TRIM29: variants seen among roughly 807,000 people sequenced by gnomAD.
The protein encoded by TRIM29 is tripartite motif-containing protein 29.
Under a neutral mutation model 57.3 loss-of-function variants are expected in TRIM29, and 52 were observed. The observed-to-expected ratio is 0.91, with a 90% CI of 0.73 to 1.14. The LOEUF (loss-of-function observed/expected upper bound fraction) is 1.14, where lower values mean the gene tolerates loss of function less well. Ranked by LOEUF, TRIM29 falls within the 50% of genes most tolerant of loss-of-function variation. The pLI is 0.00. For missense variants in TRIM29, 753 were observed against 774.6 expected (o/e 0.97, Z 0.33); for synonymous variants, 319 against 316.9 (o/e 1.01, Z -0.07).
intron 1 of TRIM29, among the ~76,000 whole-genome samples, chr11:120,135,509 T>A: frequency 6.6e-6 from 1 of 152,198 alleles, no homozygotes; most frequent in Non-Finnish European, 1.5e-5. Flanking sequence ...ATTTCTCAGC[T>A]GCTGTGATGA....
intron 1 of TRIM29, among the ~76,000 whole-genome samples, chr11:120,136,052 T>A (rs921968874): frequency 6.6e-6 from 1 of 152,126 alleles, no homozygotes; most frequent in African/African-American, 2.4e-5. Context: ...CTCCTCCCCA[T>A]AGAAGTACAG....
chr11:120,114,507 T>C (rs1004020620), intron 8 of TRIM29, among the ~76,000 whole-genome samples: 1 of 152,252 alleles, frequency 6.6e-6, no homozygotes, highest in Non-Finnish European at 1.5e-5. Flanking sequence ...GCTCCGGCCC[T>C]GGTTCCAGCA....
At chr11:120,114,053 G>A (rs1455740071) in intron 8 of TRIM29, among the ~76,000 whole-genome samples, 1 of 151,994 alleles carries the variant, frequency 6.6e-6, no homozygotes, top group Non-Finnish European at 1.5e-5. Context: ...AAGTCACACA[G>A]CAAGTCAATG....
At chr11:120,122,817 C>T (rs1301241220) in intron 5 of TRIM29, 137 bp downstream of exon 5, 7 of 677,790 alleles carry the variant, frequency 1.0e-5, no homozygotes, top group Admixed American at 9.9e-5. Flanking sequence ...CACGTAGATG[C>T]CAGGACTTTC....
At chr11:120,120,402 G>A (rs540369916) in intron 6 of TRIM29, among the ~76,000 whole-genome samples, 171 bp downstream of exon 6, 20 of 143,832 alleles carry the variant, frequency 1.4e-4, no homozygotes, top group African/African-American at 4.7e-4. Context: ...CTTTAAGCTC[G>A]GTAGGTAGGA....
chr11:120,127,830 CA>C (rs1460782152), intron 2 of TRIM29, among the ~76,000 whole-genome samples: 1 of 152,122 alleles, frequency 6.6e-6, no homozygotes, highest in Non-Finnish European at 1.5e-5. Context: ...TGATATGAGC[CA>C]TCATTCCCTG....
At chr11:120,135,709 C>T (rs1304689602) in intron 1 of TRIM29, among the ~76,000 whole-genome samples, 5 of 152,164 alleles carry the variant, frequency 3.3e-5, no homozygotes, top group Non-Finnish European at 2.9e-5. Context: ...GTCTGTTCCC[C>T]TCTCTACCTC....
Position 120,137,218 on chromosome 11 carries a change from C to A in TRIM29, c.804+10G>T. 1 of 1,613,404 alleles carries A rather than the reference C, an allele frequency of 6.2e-7. No individual in the cohort carries two copies. The highest frequency in any genetic ancestry group is 8.5e-7 in the Non-Finnish European group (1 of 1,179,612). On this transcript the variant is annotated intron_variant, in intron 1 of 8. Coordinates refer to ENST00000341846, the MANE Select transcript of TRIM29 (RefSeq NM_012101.4). This position sits in a 1 kb window ranked among gnomAD's most constrained non-coding sequence, Gnocchi z 6.2. ...AGGCCTGGAGGGGCAGGAGGGGCCC[C>A]AGCACTTACCTCCTTCTCGGCCTTG...
intron 8 of TRIM29, among the ~76,000 whole-genome samples, 192 bp downstream of exon 8, chr11:120,115,146 T>C (rs1863234805): frequency 6.6e-6 from 1 of 152,238 alleles, no homozygotes; most frequent in Admixed American, 6.5e-5. Context: ...GCTAGTCCCC[T>C]GCCCATTAGC....
Position 120,123,013 on chromosome 11 carries a change from CCG to C in TRIM29, c.1374_1375del (p.Phe458LeufsTer3). ...GGTGTCCGGTGCACTCCACTCACCC[CCG>C]AAGCTGTTCGTGTAGTTGTTCACAT... On this transcript the variant is annotated frameshift_variant, in exon 5 of 9. Transcript: ENST00000341846. LOFTEE classifies it high-confidence loss of function. The C allele has an allele frequency of 6.2e-7, 1 of 1,614,098 alleles. No homozygotes were observed. The highest frequency in any genetic ancestry group is 8.5e-7 in the Non-Finnish European group (1 of 1,180,014).
At chr11:120,126,246 A>T in intron 3 of TRIM29, 1 of 176,874 alleles carries the variant, frequency 5.7e-6, no homozygotes, top group Non-Finnish European at 1.1e-5. Flanking sequence ...CCATGGTGGT[A>T]TTTCTTTCTT....
At chr11:120,129,626 G>T (rs1207947045) in intron 1 of TRIM29, among the ~76,000 whole-genome samples, 1 of 152,214 alleles carries the variant, frequency 6.6e-6, no homozygotes, top group African/African-American at 2.4e-5. Flanking sequence ...GCAACACCAT[G>T]CGGCACACCT....
chr11:120,118,580 C>T lies in TRIM29; in HGVS notation c.1529-259G>A, dbSNP rs367879105. On this transcript the variant is annotated intron_variant, in intron 6 of 8. Transcript: ENST00000341846. Reference sequence around the variant, plus strand: ...TAAGGGACAAAGTCCCAAGAGCAGCCCAGAGCTCTGTCGTGAGTTGCTCCC... The same window carrying T: ...TAAGGGACAAAGTCCCAAGAGCAGCTCAGAGCTCTGTCGTGAGTTGCTCCC... 8.1e-4 allele frequency among the ~76,000 whole-genome samples: 124 copies of T among 152,294 alleles called. 1 individual carries two copies. In the South Asian group the frequency reaches 0.023, roughly 28 times the overall value.
At chr11:120,115,472 G>A in intron 7 of TRIM29, 58 bp from the exon 8 acceptor site, 3 of 1,482,948 alleles carry the variant, frequency 2.0e-6, no homozygotes, top group Non-Finnish European at 2.8e-6. Flanking sequence ...GGGGTGCCCG[G>A]GCCCAGAGCA....
At chr11:120,126,100 G>A (rs1451234523) in intron 3 of TRIM29, 4 of 572,708 alleles carry the variant, frequency 7.0e-6, no homozygotes, top group Non-Finnish European at 1.2e-5. Context: ...GTTCAGATGT[G>A]TGACTCCACG....
chr11:120,133,387 T>C (rs926381228), intron 1 of TRIM29, among the ~76,000 whole-genome samples: 1 of 152,236 alleles, frequency 6.6e-6, no homozygotes, highest in African/African-American at 2.4e-5. Flanking sequence ...CATCTACAAG[T>C]AGGACATGCT....
At chr11:120,131,080 G>T (rs1220299686) in intron 1 of TRIM29, among the ~76,000 whole-genome samples, 1 of 152,150 alleles carries the variant, frequency 6.6e-6, no homozygotes, top group Admixed American at 6.5e-5. Flanking sequence ...GGGGATGAGG[G>T]TGGACTAACC....
chr11:120,128,373 A>C lies in TRIM29; in HGVS notation c.900+27T>G, dbSNP rs201358773. The C allele has an allele frequency of 6.6e-4, 1,063 of 1,606,830 alleles. 12 individuals carry two copies. The African/African-American group carries it at 0.013, about 20-fold the overall frequency. On this transcript the variant is annotated intron_variant, in intron 2 of 8. Coordinates refer to ENST00000341846, the MANE Select transcript of TRIM29 (RefSeq NM_012101.4). ...GGCAGGCCAGGTCGGGTAAGGGAGC[A>C]GCAAGGTGAGCTTGGGGGCTGCTCA...
chr11:120,122,479 G>T lies in TRIM29; in HGVS notation c.1435+475C>A, dbSNP rs1351387327. Among the ~76,000 whole-genome samples, 11 of 152,312 alleles carry T rather than the reference G, an allele frequency of 7.2e-5. No homozygotes were observed. In the East Asian group the frequency reaches 1.5e-3, roughly 21 times the overall value. On this transcript the variant is annotated intron_variant, in intron 5 of 8. Coordinates refer to ENST00000341846, the MANE Select transcript of TRIM29 (RefSeq NM_012101.4). ...CAAGGGGGCCAGGGTGCAGAGCCAG[G>T]AAACTCAGAAGAGGAGGGACCACTC...
Sources: gnomAD v4.1 joint callset for allele counts (sites outside exome capture counted in the v4.1 genomes callset) on GRCh38, gnomAD v4.1.1 for gene constraint, Gnocchi (gnomAD v3.1) non-coding constraint, MANE v1.5 for transcripts, NCBI Gene and HGNC (gene_info 2026-07-23, HGNC 2026-07-21) for gene names.